Variants in AFG2A observed in about 807,000 individuals in gnomAD.
AFG2A encodes ATPase family gene 2 protein homolog A.
the AFG2A span, chr4:123,319,382 C>G: frequency 2.6e-5 from 4 of 152,178 alleles, no homozygotes; most frequent in African/African-American, 9.7e-5. Context: ...TGAGCACACA[C>G]CAAAGCATCC....
chr4:123,197,549 C>G, the AFG2A span, among the ~76,000 whole-genome samples: 1 of 152,052 alleles, frequency 6.6e-6, no homozygotes, highest in Non-Finnish European at 1.5e-5. Flanking sequence ...ATGGGCAAAT[C>G]ATGAGGTCAG....
chr4:123,085,455 CTT>C, the AFG2A span, among the ~76,000 whole-genome samples: 1 of 152,078 alleles, frequency 6.6e-6, no homozygotes, highest in Non-Finnish European at 1.5e-5. Context: ...TATAATACCC[CTT>C]TTGGTCTCTG....
At chr4:123,285,847 T>C in the AFG2A span, among the ~76,000 whole-genome samples, 1 of 152,124 alleles carries the variant, frequency 6.6e-6, no homozygotes, top group Non-Finnish European at 1.5e-5. Flanking sequence ...GGGGGAAGGA[T>C]TTTACCTACC....
chr4:122,944,829 T>C, the AFG2A span, among the ~76,000 whole-genome samples: 1 of 152,188 alleles, frequency 6.6e-6, no homozygotes, highest in Non-Finnish European at 1.5e-5. Context: ...GGATGTCCTT[T>C]CTGTTTGTTA....
At chr4:123,179,318 C>CTTACTTAA in the AFG2A span, among the ~76,000 whole-genome samples, 1 of 118,658 alleles carries the variant, frequency 8.4e-6, no homozygotes, top group African/African-American at 5.5e-5. Flanking sequence ...TACTTACTTA[C>CTTACTTAA]TTACTTACTT....
At chr4:123,213,144 T>C in the AFG2A span, among the ~76,000 whole-genome samples, 4 of 152,150 alleles carry the variant, frequency 2.6e-5, no homozygotes, top group Non-Finnish European at 2.9e-5. Context: ...AGCTGAATGC[T>C]ATAGTAGTGG....
the AFG2A span, among the ~76,000 whole-genome samples, chr4:123,092,528 T>C: frequency 1.3e-5 from 2 of 152,194 alleles, no homozygotes; most frequent in African/African-American, 4.8e-5. Context: ...GCCTGTTTAG[T>C]GCTTGTATTG....
the AFG2A span, among the ~76,000 whole-genome samples, chr4:123,310,013 A>C: frequency 6.6e-6 from 1 of 152,220 alleles, no homozygotes; most frequent in Non-Finnish European, 1.5e-5. Flanking sequence ...AGTGGCTCCC[A>C]GAGCAAATAG....
At chr4:123,274,440 A>G in the AFG2A span, among the ~76,000 whole-genome samples, 3 of 151,962 alleles carry the variant, frequency 2.0e-5, no homozygotes, top group East Asian at 5.8e-4. Context: ...CTTAACCATA[A>G]TAACAAATAA....
chr4:123,004,261 C>G, the AFG2A span, among the ~76,000 whole-genome samples: 2 of 152,222 alleles, frequency 1.3e-5, no homozygotes, highest in Non-Finnish European at 2.9e-5. Context: ...TTGCGCTTCC[C>G]GAGTGAGGAA....
chr4:123,032,859 C>T, the AFG2A span, among the ~76,000 whole-genome samples: 5 of 152,180 alleles, frequency 3.3e-5, no homozygotes, highest in Non-Finnish European at 7.3e-5. Context: ...TGTGTTGCCA[C>T]GTCACTTTTT....
At chr4:123,139,596 C>T in the AFG2A span, among the ~76,000 whole-genome samples, 1 of 152,004 alleles carries the variant, frequency 6.6e-6, no homozygotes, top group African/African-American at 2.4e-5. Context: ...ATTTAAACTT[C>T]ATATTAGTGA....
chr4:122,983,604 T>C, the AFG2A span, among the ~76,000 whole-genome samples: 1 of 152,120 alleles, frequency 6.6e-6, no homozygotes, highest in African/African-American at 2.4e-5. Flanking sequence ...CAGATATTTG[T>C]GGATTTTCCA....
chr4:123,130,053 G>T, the AFG2A span, among the ~76,000 whole-genome samples: 1 of 152,054 alleles, frequency 6.6e-6, no homozygotes, highest in Non-Finnish European at 1.5e-5. Flanking sequence ...CTGTTGCCCA[G>T]ACTGAAGAGC....
the AFG2A span, among the ~76,000 whole-genome samples, chr4:122,988,978 ACTCT>A: frequency 1.3e-5 from 2 of 148,554 alleles, no homozygotes; most frequent in Admixed American, 6.7e-5. Context: ...TCTTTTTTAT[ACTCT>A]CTATCTCTTT....
At chr4:123,065,261 A>G in the AFG2A span, among the ~76,000 whole-genome samples, 1 of 152,166 alleles carries the variant, frequency 6.6e-6, no homozygotes, top group Non-Finnish European at 1.5e-5. Flanking sequence ...GTCTCCTTTG[A>G]AAGCATTCAT....
At chr4:122,994,288 A>T in the AFG2A span, among the ~76,000 whole-genome samples, 1 of 152,120 alleles carries the variant, frequency 6.6e-6, no homozygotes, top group South Asian at 2.1e-4. Flanking sequence ...GAAGTCCTTT[A>T]TGTTTTCTGC....
At chr4:123,176,851 G>A in the AFG2A span, among the ~76,000 whole-genome samples, 10 of 152,222 alleles carry the variant, frequency 6.6e-5, no homozygotes, top group South Asian at 1.9e-3. Flanking sequence ...GGGAGGTGGG[G>A]GAAGGGGGAG....
chr4:123,043,926 A>C, the AFG2A span, among the ~76,000 whole-genome samples: 1 of 152,218 alleles, frequency 6.6e-6, no homozygotes, highest in Non-Finnish European at 1.5e-5. Context: ...GTCAACAGGC[A>C]AAATATCTTG....
Sources: gnomAD v4.1 joint callset for allele counts (sites outside exome capture counted in the v4.1 genomes callset) on GRCh38, gnomAD v4.1.1 for gene constraint, MANE v1.5 for transcripts, NCBI Gene and HGNC (gene_info 2026-07-23, HGNC 2026-07-21) for gene names.